The following DLG2 variants were observed in gnomAD, a reference collection of about 807,000 sequenced individuals.
DLG2 encodes the protein discs large MAGUK scaffold protein 2, also known as disks large homolog 2.
DLG2 carries 45 observed loss-of-function variants against 132.5 expected under a neutral mutation model. The ratio of observed to expected loss-of-function variants is 0.34; its 90% confidence interval spans 0.27 to 0.44. DLG2 has a LOEUF of 0.44. DLG2 is among the 20% of genes least tolerant of loss of function. The probability of loss-of-function intolerance (pLI) is 1.00; values close to 1 mark genes in which losing one functional copy is unlikely to be tolerated. For synonymous variants in DLG2, 424 were observed against 419.6 expected, an observed-to-expected ratio of 1.01 and a Z score of -0.13; for missense variants, 1,045 against 1,196.9, an observed-to-expected ratio of 0.87 and a Z score of 1.87.
Position 83,456,253 on chromosome 11 carries a change from C to T in DLG2, c.*3565G>A, listed in dbSNP as rs1011464023. 3.9e-5 allele frequency: 6 copies of T among 152,920 alleles called. No individual in the cohort carries two copies. The highest frequency in any genetic ancestry group is 1.4e-4 in the African/African-American group (6 of 41,466). The allele number at this position is 152,920 out of a possible 1,614,324, so 9.5% of individuals were successfully genotyped here. On this transcript the variant is annotated 3_prime_UTR_variant, in exon 28 of 28. Coordinates refer to ENST00000376104, the MANE Select transcript of DLG2 (RefSeq NM_001142699.3). ...AGAGGCACTCAGGCGCCGGCAGGGC[C>T]CACAGCACATGCATCATCGCTGCCA...
intron 6 of DLG2, among the ~76,000 whole-genome samples, chr11:84,786,539 C>T (rs1251750742): frequency 6.6e-6 from 1 of 152,172 alleles, no homozygotes; most frequent in Non-Finnish European, 1.5e-5. Context: ...TAAGATAGAG[C>T]ACTGAGCTCC....
At chr11:84,510,536 G>C (rs1269778992) in intron 7 of DLG2, among the ~76,000 whole-genome samples, 2 of 152,024 alleles carry the variant, frequency 1.3e-5, no homozygotes, top group East Asian at 1.9e-4. Context: ...AAGTAATATA[G>C]TTTATTTTTT....
chr11:84,166,006 T>C (rs1159974623), intron 8 of DLG2, among the ~76,000 whole-genome samples: 1 of 152,156 alleles, frequency 6.6e-6, no homozygotes, highest in Non-Finnish European at 1.5e-5. Context: ...AGGTGAGGCA[T>C]CATTTCAACC....
chr11:84,089,938 G>T (rs1197879985), intron 10 of DLG2, among the ~76,000 whole-genome samples: 1 of 152,100 alleles, frequency 6.6e-6, no homozygotes, highest in Non-Finnish European at 1.5e-5. Context: ...TCATGTGATA[G>T]CTCTTCCCCA....
intron 3 of DLG2, among the ~76,000 whole-genome samples, chr11:85,399,446 G>T (rs1205052783): frequency 6.6e-6 from 1 of 152,032 alleles, no homozygotes; most frequent in East Asian, 1.9e-4. Context: ...AGTTCATATG[G>T]AACCAAAAAA....
Position 84,699,710 on chromosome 11 carries a change from A to G in DLG2, c.358-164979T>C, listed in dbSNP as rs201043096. On this transcript the variant is annotated intron_variant, in intron 6 of 27. Transcript: ENST00000376104. ...CCCTCGTTTTCCTAATGGGCTGGGT[A>G]CTGACTCTGCTTTCTTTCTTGTTTG... is the stretch of plus-strand genomic sequence containing the variant. Among the ~76,000 whole-genome samples, 15 of 151,672 alleles carry G rather than the reference A, an allele frequency of 9.9e-5. No homozygotes were observed. The East Asian group carries it at 2.9e-3, about 30-fold the overall frequency.
chr11:85,350,314 T>G (rs1049084576), intron 3 of DLG2, among the ~76,000 whole-genome samples: 1 of 152,234 alleles, frequency 6.6e-6, no homozygotes, highest in Non-Finnish European at 1.5e-5. Context: ...ATTAGCCCTT[T>G]GTCAGATGAG....
At chr11:83,957,877 C>G (rs1451105856) in intron 14 of DLG2, among the ~76,000 whole-genome samples, 1 of 152,162 alleles carries the variant, frequency 6.6e-6, no homozygotes, top group Non-Finnish European at 1.5e-5. Flanking sequence ...ATTCAGGTCT[C>G]AGTCCATATG....
chr11:84,069,906 C>T (rs939883483), intron 10 of DLG2, among the ~76,000 whole-genome samples: 2 of 152,174 alleles, frequency 1.3e-5, no homozygotes, highest in African/African-American at 4.8e-5. Context: ...TTACTTAGCC[C>T]GCTCAGTTCA....
intron 21 of DLG2, among the ~76,000 whole-genome samples, chr11:83,501,188 TC>T (rs1310692168): frequency 6.7e-6 from 1 of 149,796 alleles, no homozygotes; most frequent in Non-Finnish European, 1.5e-5. Flanking sequence ...TCTATTTTTT[TC>T]TGTTTTTCTT....
intron 18 of DLG2, chr11:83,725,086 C>T (rs934099432): frequency 2.9e-5 from 16 of 557,864 alleles, no homozygotes; most frequent in Non-Finnish European, 4.8e-5. Context: ...GCAACACAAA[C>T]AAGCCAATTT....
At chr11:83,587,312 A>AC (rs1466892011) in intron 19 of DLG2, among the ~76,000 whole-genome samples, 1 of 151,534 alleles carries the variant, frequency 6.6e-6, no homozygotes, top group Non-Finnish European at 1.5e-5. Context: ...GCTCTGTCAC[A>AC]CAGGCTAGAG....
At chr11:85,325,407 G>A (rs2081391020) in intron 3 of DLG2, among the ~76,000 whole-genome samples, 1 of 147,582 alleles carries the variant, frequency 6.8e-6, no homozygotes, top group South Asian at 2.2e-4. Context: ...GGTTCTCCCA[G>A]CACACAGCTG....
At chr11:84,298,609 G>A (rs752579732) in intron 7 of DLG2, among the ~76,000 whole-genome samples, 1 of 152,214 alleles carries the variant, frequency 6.6e-6, no homozygotes, top group Non-Finnish European at 1.5e-5. Flanking sequence ...TAATACGATA[G>A]TTGAAACAGA....
intron 15 of DLG2, among the ~76,000 whole-genome samples, chr11:83,924,198 A>G (rs371854528): frequency 1.2e-4 from 19 of 152,290 alleles, no homozygotes; most frequent in African/African-American, 4.6e-4. Flanking sequence ...AGAGACTTAC[A>G]TGCACTTCTA....
At chr11:83,864,000 T>C (rs1462384482) in intron 16 of DLG2, among the ~76,000 whole-genome samples, 1 of 152,186 alleles carries the variant, frequency 6.6e-6, no homozygotes, top group Admixed American at 6.5e-5. Flanking sequence ...AGGAGAATTC[T>C]CCTTTGCAAA....
chr11:83,805,085 T>C (rs916110122), intron 17 of DLG2, among the ~76,000 whole-genome samples: 5 of 152,164 alleles, frequency 3.3e-5, no homozygotes, highest in African/African-American at 4.8e-5. Context: ...TACTGCGTCA[T>C]AGCAGGAAGC....
rs184792168 is a variant in DLG2, at chr11:85,098,824, T to C, written c.357+12837A>G. Among the ~76,000 whole-genome samples the C allele has an allele frequency of 5.6e-4, 86 of 152,316 alleles. 2 individuals carry two copies. The highest frequency in any genetic ancestry group is 1.8e-3 in the African/African-American group (75 of 41,566). ...ATTAATTATTTTAATTAGGTGTTTG[T>C]TCTGAGTTGGATGAAAATATATGGA... On this transcript the variant is annotated intron_variant, in intron 6 of 27. Coordinates refer to ENST00000376104, the MANE Select transcript of DLG2 (RefSeq NM_001142699.3).
chr11:84,641,894 A>G (rs936341004), intron 6 of DLG2, among the ~76,000 whole-genome samples: 1 of 151,640 alleles, frequency 6.6e-6, no homozygotes, highest in Non-Finnish European at 1.5e-5. Context: ...TTGTCAAAGA[A>G]TGAAACTGTA....
Sources: gnomAD v4.1 joint callset for allele counts (sites outside exome capture counted in the v4.1 genomes callset) on GRCh38, gnomAD v4.1.1 for gene constraint, MANE v1.5 for transcripts, NCBI Gene and HGNC (gene_info 2026-07-23, HGNC 2026-07-21) for gene names.